Variants in FGF13 observed in about 807,000 individuals in gnomAD.
FGF13 encodes fibroblast growth factor homologous factor 2.
A neutral mutation model predicts 19.5 loss-of-function variants in FGF13; 2 were observed. The observed-to-expected ratio is 0.10, with a 90% confidence interval of 0.04 to 0.32. The LOEUF is 0.32. Among genes scored for constraint, FGF13 ranks in the 10% least tolerant of loss-of-function variants. FGF13 has a pLI of 1.00. For synonymous variants in FGF13, 72 were observed against 76.9 expected (o/e 0.94, Z 0.33); for missense variants, 113 against 192.7 (o/e 0.59, Z 2.45).
chrX:139,011,362 A>C (rs1176063126), intron 1 of FGF13, among the ~76,000 whole-genome samples: 2 of 4,570 alleles, frequency 4.4e-4, no homozygotes, highest in Non-Finnish European at 1.2e-3. Flanking sequence ...ACAAACAAAC[A>C]AAAAAAAAAA....
intron 1 of FGF13, among the ~76,000 whole-genome samples, chrX:138,893,880 CAG>C (rs1325157977): frequency 2.7e-5 from 3 of 111,444 alleles, no homozygotes; most frequent in East Asian, 2.9e-4. Flanking sequence ...ATGCACTAAT[CAG>C]AGTCATGATC....
intron 3 of FGF13, among the ~76,000 whole-genome samples, chrX:138,689,355 GT>G (rs2089816229): frequency 9.1e-6 from 1 of 110,208 alleles, no homozygotes; most frequent in African/African-American, 3.3e-5. Flanking sequence ...CAGGCAGTTT[GT>G]TGCAAAACAA....
intron 1 of FGF13, among the ~76,000 whole-genome samples, chrX:138,709,323 G>A (rs1456634210): frequency 1.8e-5 from 2 of 112,083 alleles, no homozygotes; most frequent in Non-Finnish European, 1.9e-5. Flanking sequence ...TCTGCCAACC[G>A]ACCAAGGACC....
At chrX:139,025,263 C>T (rs927021084) in intron 1 of FGF13, among the ~76,000 whole-genome samples, 1 of 111,809 alleles carries the variant, frequency 8.9e-6, no homozygotes. Context: ...CCAACCTTTG[C>T]TGGATTTTCA....
intron 1 of FGF13, among the ~76,000 whole-genome samples, chrX:138,989,673 C>G (rs2092007291): frequency 9.3e-6 from 1 of 107,886 alleles, no homozygotes; most frequent in African/African-American, 3.4e-5. Flanking sequence ...TTGAGCCACA[C>G]AATGATACTA....
At chrX:138,770,590 A>G (rs905064956) in intron 3 of FGF13, among the ~76,000 whole-genome samples, 1 of 111,193 alleles carries the variant, frequency 9.0e-6, no homozygotes, top group African/African-American at 3.3e-5. Context: ...TGTCCTATGC[A>G]CACCTACTAT....
chrX:139,190,865 C>G (rs1366973228), intron 1 of FGF13, among the ~76,000 whole-genome samples: 1 of 111,943 alleles, frequency 8.9e-6, no homozygotes, highest in Non-Finnish European at 1.9e-5. Context: ...ACAAATGCCT[C>G]AACAAGAGGC....
chrX:138,979,218 G>A (rs929660805), intron 1 of FGF13, among the ~76,000 whole-genome samples: 3 of 111,613 alleles, frequency 2.7e-5, no homozygotes, highest in Non-Finnish European at 5.6e-5. Flanking sequence ...TTGAATATAG[G>A]ACAGATTAAG....
intron 1 of FGF13, among the ~76,000 whole-genome samples, chrX:138,725,599 T>C (rs1167981026): frequency 8.9e-6 from 1 of 111,752 alleles, no homozygotes; most frequent in East Asian, 2.8e-4. Context: ...GCACCAGACA[T>C]TATGAATTTC....
intron 3 of FGF13, among the ~76,000 whole-genome samples, chrX:138,637,879 A>G (rs1176092892): frequency 8.9e-6 from 1 of 111,742 alleles, no homozygotes; most frequent in Non-Finnish European, 1.9e-5. Context: ...CAATACAGAA[A>G]ACAGGGAAGA....
intron 1 of FGF13, among the ~76,000 whole-genome samples, chrX:138,954,101 A>T (rs1490612077): frequency 9.2e-6 from 1 of 108,353 alleles, no homozygotes; most frequent in African/African-American, 3.4e-5. Context: ...TTAACGAGAG[A>T]GAGAGAGAGA....
Position 138,782,422 on chromosome X carries a change from T to A in FGF13, c.218-73494A>T, listed in dbSNP as rs1602843062. ...TGTATATCTAGAAAACCCCATTGTC[T>A]CAGCCCAAAATCTCCTTAAGCTGAT... On this transcript the variant is annotated intron_variant, in intron 3 of 6. Transcript: ENST00000436198. Among the ~76,000 whole-genome samples the A allele has an allele frequency of 2.7e-5, 3 of 110,876 alleles. No homozygotes were observed. The East Asian group carries it at 8.5e-4, about 32-fold the overall frequency.
At chrX:138,633,322 A>G (rs1335562902) in intron 4 of FGF13, among the ~76,000 whole-genome samples, 1 of 111,656 alleles carries the variant, frequency 9.0e-6, no homozygotes, top group Non-Finnish European at 1.9e-5. Context: ...GCCAGACATG[A>G]AAAACACTGC....
intron 1 of FGF13, among the ~76,000 whole-genome samples, chrX:139,147,776 C>T (rs2083902437): frequency 9.0e-6 from 1 of 110,854 alleles, no homozygotes; most frequent in South Asian, 3.8e-4. Flanking sequence ...CTTATAAAGA[C>T]ACCACTGATT....
At chrX:138,723,342 G>A (rs200594072) in intron 1 of FGF13, among the ~76,000 whole-genome samples, 1 of 111,868 alleles carries the variant, frequency 8.9e-6, no homozygotes, top group East Asian at 2.8e-4. Flanking sequence ...CCTTTCCTCA[G>A]TTTTTTCCTA....
At chrX:139,046,211 C>G (rs141053087) in intron 1 of FGF13, among the ~76,000 whole-genome samples, 1,383 of 111,008 alleles carry the variant, frequency 0.012, 40 homozygotes, top group African/African-American at 0.043. Flanking sequence ...GCGGCAAGAG[C>G]AGGAGCAAGC....
intron 2 of FGF13, among the ~76,000 whole-genome samples, chrX:138,707,632 G>A (rs1304123431): frequency 8.9e-6 from 1 of 111,957 alleles, no homozygotes; most frequent in African/African-American, 3.2e-5. Context: ...AGAACAACTA[G>A]GATTTACTAT....
chrX:138,774,403 T>C (rs1197395260), intron 3 of FGF13, among the ~76,000 whole-genome samples: 1 of 111,522 alleles, frequency 9.0e-6, no homozygotes, highest in African/African-American at 3.3e-5. Context: ...TTCAATCATA[T>C]GAGGTGGGCA....
chrX:138,966,301 ACACT>A (rs1176111831), intron 1 of FGF13, among the ~76,000 whole-genome samples: 1 of 112,236 alleles, frequency 8.9e-6, no homozygotes, highest in African/African-American at 3.2e-5. Flanking sequence ...AAAGCCACAG[ACACT>A]CAATGCCAGC....
Sources: allele counts gnomAD v4.1 joint callset (sites outside exome capture counted in the v4.1 genomes callset), GRCh38; gene constraint gnomAD v4.1.1; transcripts MANE v1.5; gene names NCBI Gene and HGNC (gene_info 2026-07-23, HGNC 2026-07-21).